EEFSEC: variants seen among roughly 807,000 people sequenced by gnomAD.
The protein encoded by EEFSEC is selenocysteine-specific elongation factor.
Under a neutral mutation model 42.1 loss-of-function variants are expected in EEFSEC, and 43 were observed. That is an observed-to-expected ratio of 1.02 (90% CI 0.80 to 1.32). The LOEUF (loss-of-function observed/expected upper bound fraction) is 1.32, where lower values mean the gene tolerates loss of function less well. EEFSEC is among the 40% of genes most tolerant of loss of function. EEFSEC has a pLI of 0.00. For synonymous variants in EEFSEC, 354 were observed against 339.1 expected, an observed-to-expected ratio of 1.04 and a Z score of -0.48; for missense variants, 745 against 803.6, an observed-to-expected ratio of 0.93 and a Z score of 0.88.
chr3:128,199,367 A>G (rs1174974984), intron 1 of EEFSEC, among the ~76,000 whole-genome samples: 1 of 152,116 alleles, frequency 6.6e-6, no homozygotes, highest in East Asian at 1.9e-4. Context: ...ATGTTAGTCT[A>G]TTAGTATTGT....
chr3:128,338,589 C>T (rs1473737420), intron 4 of EEFSEC, among the ~76,000 whole-genome samples: 1 of 152,170 alleles, frequency 6.6e-6, no homozygotes, highest in Non-Finnish European at 1.5e-5. Flanking sequence ...CAGGGAGCAG[C>T]CTCAGGGGCA....
rs534725661 is a variant in EEFSEC at position 128,222,724 on chromosome 3, A to C, written c.317-24112A>C. Among the ~76,000 whole-genome samples, 3 of 152,386 alleles carry C rather than the reference A, an allele frequency of 2.0e-5. No homozygotes were observed. In the South Asian group the frequency reaches 6.2e-4, roughly 32 times the overall value. ...ATTATTCTTTAGAGCAGATTACCAAAAATGAGATGGCTTGATTTATGGGTG... is the reference window on the plus strand; with the variant it reads ...ATTATTCTTTAGAGCAGATTACCAACAATGAGATGGCTTGATTTATGGGTG... On this transcript the variant is annotated intron_variant, in intron 1 of 6. Coordinates refer to ENST00000254730, the MANE Select transcript of EEFSEC (RefSeq NM_021937.5).
the EEFSEC span, among the ~76,000 whole-genome samples, chr3:128,425,926 G>A: frequency 6.6e-6 from 1 of 152,094 alleles, no homozygotes; most frequent in Non-Finnish European, 1.5e-5. Context: ...GTTTCCAGGC[G>A]GGGGCCCAGC....
At chr3:128,201,093 A>G (rs988899024) in intron 1 of EEFSEC, among the ~76,000 whole-genome samples, 19 of 152,164 alleles carry the variant, frequency 1.2e-4, no homozygotes, top group African/African-American at 4.6e-4. Context: ...CAGACTATTT[A>G]TTTAACCTTC....
At chr3:128,269,132 A>T (rs1220313569) in intron 4 of EEFSEC, among the ~76,000 whole-genome samples, 1 of 152,110 alleles carries the variant, frequency 6.6e-6, no homozygotes, top group African/African-American at 2.4e-5. Flanking sequence ...TGCCCATCCC[A>T]CAAGTGAGAG....
chr3:128,272,433 C>A (rs533002621), intron 4 of EEFSEC, among the ~76,000 whole-genome samples: 1 of 152,130 alleles, frequency 6.6e-6, no homozygotes. Context: ...AAGGATGTGA[C>A]GCCTGGACTC....
In EEFSEC at chr3:128,201,164, T is replaced by C. The variant is rs563643248; in HGVS notation, c.317-45672T>C. Among the ~76,000 whole-genome samples the C allele has an allele frequency of 3.9e-5, 6 of 152,324 alleles. No individual in the cohort carries two copies. In the South Asian group the frequency reaches 1.2e-3, roughly 32 times the overall value. On this transcript the variant is annotated intron_variant, in intron 1 of 6. Coordinates refer to ENST00000254730, the MANE Select transcript of EEFSEC (RefSeq NM_021937.5). ...AAATACTAATTCCATTTTCCTTCAG[T>C]GCATATTAAAATAAATACCTAACTA... is the stretch of plus-strand genomic sequence containing the variant.
chr3:128,235,639 G>C (rs2066000802), intron 1 of EEFSEC, among the ~76,000 whole-genome samples: 1 of 152,210 alleles, frequency 6.6e-6, no homozygotes, highest in African/African-American at 2.4e-5. Flanking sequence ...CACCAGCTCC[G>C]CTAGAGCTCT....
intron 6 of EEFSEC, among the ~76,000 whole-genome samples, chr3:128,390,875 T>G (rs1411157570): frequency 6.6e-6 from 1 of 152,250 alleles, no homozygotes; most frequent in Admixed American, 6.5e-5. Context: ...GGCCTTTGCT[T>G]GGCGCCCTCA....
At chr3:128,406,576 A>G (rs905118378) in intron 6 of EEFSEC, among the ~76,000 whole-genome samples, 2 of 152,198 alleles carry the variant, frequency 1.3e-5, no homozygotes, top group African/African-American at 4.8e-5. Context: ...GTCTGATTTA[A>G]TCATTCCAAA....
intron 6 of EEFSEC, among the ~76,000 whole-genome samples, chr3:128,371,015 A>C (rs911347245): frequency 6.6e-6 from 1 of 152,168 alleles, no homozygotes; most frequent in Non-Finnish European, 1.5e-5. Context: ...AATAGAAACT[A>C]ATATTCATTG....
chr3:128,400,821 C>A (rs754912495), intron 6 of EEFSEC, among the ~76,000 whole-genome samples: 1 of 152,196 alleles, frequency 6.6e-6, no homozygotes, highest in Non-Finnish European at 1.5e-5. Flanking sequence ...CGCATTCTTC[C>A]CTGATTACCC....
chr3:128,358,490 A>T, intron 6 of EEFSEC, 117 bp downstream of exon 6: 1 of 1,430,738 alleles, frequency 7.0e-7, no homozygotes, highest in Non-Finnish European at 9.4e-7. Flanking sequence ...CTTTGCCGAG[A>T]CACGGGGTGA....
chr3:128,213,356 A>G lies in EEFSEC; in HGVS notation c.317-33480A>G, dbSNP rs913047615. ...CATGTCCTTGGCATGTAGTTGGCGT[A>G]GTAGAAAATGCAGTCTAGCTGATTT... is the stretch of plus-strand genomic sequence containing the variant. On this transcript the variant is annotated intron_variant, in intron 1 of 6. Coordinates refer to ENST00000254730, the MANE Select transcript of EEFSEC (RefSeq NM_021937.5). Among the ~76,000 whole-genome samples, 30 of 152,232 alleles carry G rather than the reference A, an allele frequency of 2.0e-4. 2 individuals are homozygous for G. Among genetic ancestry groups the G allele is most frequent in the Non-Finnish European group, 5.9e-5 (4 of 68,038 alleles).
At chr3:128,271,938 T>A (rs1017903144) in intron 4 of EEFSEC, among the ~76,000 whole-genome samples, 14 of 152,170 alleles carry the variant, frequency 9.2e-5, no homozygotes, top group African/African-American at 3.4e-4. Flanking sequence ...CAGCCTCAGT[T>A]TCTTGTCTTA....
chr3:128,288,377 A>G (rs1236835534), intron 4 of EEFSEC, among the ~76,000 whole-genome samples: 1 of 152,220 alleles, frequency 6.6e-6, no homozygotes. Context: ...TAAAGAATAT[A>G]TAAATCCACA....
chr3:128,206,902 G>A (rs1180584301), intron 1 of EEFSEC, among the ~76,000 whole-genome samples: 1 of 152,124 alleles, frequency 6.6e-6, no homozygotes, highest in East Asian at 1.9e-4. Flanking sequence ...AGCTGGAGTT[G>A]TAGGAAGAGC....
At chr3:128,215,511 A>G (rs576763899) in intron 1 of EEFSEC, among the ~76,000 whole-genome samples, 5 of 152,336 alleles carry the variant, frequency 3.3e-5, no homozygotes, top group Admixed American at 6.5e-5. Context: ...GATGATGCAC[A>G]TGAGTAGTCA....
chr3:128,174,821 C>T (rs1195101718), intron 1 of EEFSEC, among the ~76,000 whole-genome samples: 1 of 152,160 alleles, frequency 6.6e-6, no homozygotes, highest in Non-Finnish European at 1.5e-5. Flanking sequence ...GCAGGCTTGG[C>T]ACCAGAATGT....
Sources: allele counts gnomAD v4.1 joint callset (sites outside exome capture counted in the v4.1 genomes callset), GRCh38; gene constraint gnomAD v4.1.1; transcripts MANE v1.5; gene names NCBI Gene and HGNC (gene_info 2026-07-23, HGNC 2026-07-21).